RIC1: variants seen among roughly 807,000 people sequenced by gnomAD.
RIC1 encodes guanine nucleotide exchange factor subunit RIC1.
A neutral mutation model predicts 169.0 loss-of-function variants in RIC1; 88 were observed. The ratio of observed to expected loss-of-function variants is 0.52; its 90% confidence interval spans 0.44 to 0.62. RIC1 has a LOEUF of 0.62. Ranked by LOEUF, RIC1 falls within the 20% of genes least tolerant of loss-of-function variation. RIC1 has a pLI of 0.00. For synonymous variants in RIC1, 790 were observed against 601.5 expected, an observed-to-expected ratio of 1.31 and a Z score of -4.59; for missense variants, 1,877 against 1,725.5, an observed-to-expected ratio of 1.09 and a Z score of -1.56.
intron 2 of RIC1, among the ~76,000 whole-genome samples, chr9:5,661,383 A>G (rs1459935368): frequency 6.6e-6 from 1 of 152,196 alleles, no homozygotes; most frequent in Non-Finnish European, 1.5e-5. Context: ...TGTCAGTGGT[A>G]GTTTAATGGG....
At chr9:5,761,303 G>A (rs185067496) in intron 17 of RIC1, among the ~76,000 whole-genome samples, 72 of 151,526 alleles carry the variant, frequency 4.8e-4, no homozygotes, top group Non-Finnish European at 8.8e-4. Context: ...TAGTAGAGAC[G>A]GGGTTTCACC....
intron 1 of RIC1, among the ~76,000 whole-genome samples, chr9:5,639,196 T>C (rs887890825): frequency 6.6e-6 from 1 of 152,220 alleles, no homozygotes; most frequent in African/African-American, 2.4e-5. Context: ...TGAGCCACTA[T>C]ACCCGGCCAT....
At chr9:5,703,186 A>G (rs145609466) in intron 3 of RIC1, among the ~76,000 whole-genome samples, 306 of 152,324 alleles carry the variant, frequency 2.0e-3, no homozygotes, top group African/African-American at 6.8e-3. Context: ...CTGTAAAATC[A>G]AAAACAAGTT....
chr9:5,744,655 G>C (rs1403923591), intron 10 of RIC1, among the ~76,000 whole-genome samples: 2 of 151,976 alleles, frequency 1.3e-5, no homozygotes, highest in African/African-American at 2.4e-5. Flanking sequence ...TTTGACTGCA[G>C]CTCATCACAT....
chr9:5,705,868 T>C (rs900699458), intron 3 of RIC1, among the ~76,000 whole-genome samples: 1 of 152,214 alleles, frequency 6.6e-6, no homozygotes, highest in Non-Finnish European at 1.5e-5. Context: ...TTACTATTTT[T>C]TCAGATGCTT....
At chr9:5,765,824 C>G (rs749421141) in intron 21 of RIC1, 26 bp downstream of exon 21, 1 of 1,612,216 alleles carries the variant, frequency 6.2e-7, no homozygotes, top group East Asian at 2.2e-5. Flanking sequence ...GCCATTACTG[C>G]TTTTTGGGCA....
At chr9:5,768,924 C>A in intron 21 of RIC1, 46 bp from the exon 22 acceptor site, 28 of 1,553,270 alleles carry the variant, frequency 1.8e-5, no homozygotes, top group Non-Finnish European at 2.4e-5. Flanking sequence ...ATGTGAAATC[C>A]TCCAGTAAAG....
At chr9:5,735,396 G>C (rs1824636821) in intron 7 of RIC1, among the ~76,000 whole-genome samples, 3 of 152,212 alleles carry the variant, frequency 2.0e-5, no homozygotes. Context: ...GCCAGCACAA[G>C]GGTGGGTGTT....
At position 5,745,907 on chromosome 9, in the gene RIC1, T is replaced by G. The variant is rs1036813195; in HGVS notation, c.1096-24T>G. Reference sequence around the variant, plus strand: ...AAAGCCTTTTATTGCTCTGACTTTTTTTCTCCCTCCTCTTCTCTCTAAGAG... The same window carrying G: ...AAAGCCTTTTATTGCTCTGACTTTTGTTCTCCCTCCTCTTCTCTCTAAGAG... On this transcript the variant is annotated intron_variant, in intron 10 of 25. Transcript: ENST00000414202. 5 of 1,590,292 alleles carry G rather than the reference T, an allele frequency of 3.1e-6. No individual in the cohort carries two copies. The African/African-American group carries it at 4.0e-5, about 13-fold the overall frequency.
intron 12 of RIC1, among the ~76,000 whole-genome samples, chr9:5,749,497 C>T (rs1039091376): frequency 1.3e-5 from 2 of 152,108 alleles, no homozygotes; most frequent in Admixed American, 6.6e-5. Flanking sequence ...GTGACCACAT[C>T]CTCTGTCAAA....
chr9:5,653,613 T>TTTA (rs2130426566), intron 1 of RIC1, among the ~76,000 whole-genome samples: 1 of 152,326 alleles, frequency 6.6e-6, no homozygotes, highest in Non-Finnish European at 1.5e-5. Context: ...TCTTTCTTTT[T>TTTA]TTGAGACGGA....
rs536674921 is a variant in RIC1, at chr9:5,658,563, T to C, written c.252+1873T>C. On this transcript the variant is annotated intron_variant, in intron 2 of 25. Coordinates refer to ENST00000414202, the MANE Select transcript of RIC1 (RefSeq NM_020829.4). ...GAACAATTCCAGATGAAAAAAATTC[T>C]CAAAGGAGTTGAGAAAATACTAATT... Among the ~76,000 whole-genome samples the C allele has an allele frequency of 2.0e-5, 3 of 152,212 alleles. No individual in the cohort carries two copies. In the South Asian group the frequency reaches 6.2e-4, roughly 32 times the overall value.
chr9:5,681,591 G>T (rs995767547), intron 2 of RIC1, among the ~76,000 whole-genome samples: 3 of 152,174 alleles, frequency 2.0e-5, no homozygotes, highest in African/African-American at 7.2e-5. Context: ...AATAGGTGTG[G>T]TGTGTTGCTG....
intron 6 of RIC1, among the ~76,000 whole-genome samples, chr9:5,725,235 G>A (rs138958475): frequency 2.6e-5 from 4 of 152,010 alleles, no homozygotes; most frequent in Admixed American, 6.6e-5. Context: ...CAATTTCAGA[G>A]CCTGTTATTG....
intron 6 of RIC1, among the ~76,000 whole-genome samples, chr9:5,727,641 C>G (rs1243583190): frequency 6.6e-6 from 1 of 152,184 alleles, no homozygotes; most frequent in Non-Finnish European, 1.5e-5. Context: ...AGAATTTTAG[C>G]TTTTCTGCTC....
At chr9:5,728,259 C>T (rs1322568663) in intron 6 of RIC1, among the ~76,000 whole-genome samples, 45 of 152,260 alleles carry the variant, frequency 3.0e-4, no homozygotes, top group Admixed American at 2.9e-3. Flanking sequence ...ACCCCTCCCC[C>T]AGCTTCGCTG....
intron 2 of RIC1, among the ~76,000 whole-genome samples, chr9:5,684,078 ACC>A (rs1429072223): frequency 6.6e-6 from 1 of 151,598 alleles, no homozygotes; most frequent in East Asian, 1.9e-4. Flanking sequence ...GAATTCCCTG[ACC>A]CCTTGCGCTT....
chr9:5,678,435 A>G (rs1280748991), intron 2 of RIC1, among the ~76,000 whole-genome samples: 1 of 151,818 alleles, frequency 6.6e-6, no homozygotes, highest in African/African-American at 2.4e-5. Flanking sequence ...TGACTTCCAC[A>G]ATGGTTGAAC....
At chr9:5,678,686 G>C (rs567078710) in intron 2 of RIC1, among the ~76,000 whole-genome samples, 1 of 152,246 alleles carries the variant, frequency 6.6e-6, no homozygotes, top group Admixed American at 6.5e-5. Flanking sequence ...CCCACTTTTT[G>C]ATGGGGTTGT....
Sources: gnomAD v4.1 joint callset for allele counts (sites outside exome capture counted in the v4.1 genomes callset) on GRCh38, gnomAD v4.1.1 for gene constraint, MANE v1.5 for transcripts, NCBI Gene and HGNC (gene_info 2026-07-23, HGNC 2026-07-21) for gene names.